The following UNC13C variants were observed in gnomAD, a reference collection of about 807,000 sequenced individuals.
The protein encoded by UNC13C is protein unc-13 homolog C.
A neutral mutation model predicts 245.4 loss-of-function variants in UNC13C; 174 were observed. That is an observed-to-expected ratio of 0.71 (90% CI 0.63 to 0.80). The LOEUF (loss-of-function observed/expected upper bound fraction) is 0.80, where lower values mean the gene tolerates loss of function less well. Ranked by LOEUF, UNC13C falls within the 30% of genes least tolerant of loss-of-function variation. UNC13C has a pLI of 0.00. For missense variants in UNC13C, 2,829 were observed against 2,602.9 expected (o/e 1.09, Z -1.89); for synonymous variants, 992 against 895.1 (o/e 1.11, Z -1.93).
At chr15:54,392,457 C>G (rs1395281523) in intron 17 of UNC13C, among the ~76,000 whole-genome samples, 3 of 151,730 alleles carry the variant, frequency 2.0e-5, no homozygotes, top group Non-Finnish European at 4.4e-5. Flanking sequence ...TTTTAGTTAC[C>G]TAGATAAATT....
intron 22 of UNC13C, among the ~76,000 whole-genome samples, chr15:54,505,683 A>G (rs1894439715): frequency 6.6e-6 from 1 of 151,448 alleles, no homozygotes; most frequent in African/African-American, 2.4e-5. Flanking sequence ...ATTAGTAAAG[A>G]TGGGAGTTAT....
intron 26 of UNC13C, among the ~76,000 whole-genome samples, 161 bp downstream of exon 26, chr15:54,533,227 C>T (rs1463343904): frequency 6.6e-6 from 1 of 152,008 alleles, no homozygotes; most frequent in African/African-American, 2.4e-5. Flanking sequence ...TAAAAAGCAA[C>T]ATACCTTTAA....
chr15:54,396,561 A>G (rs528878331), intron 18 of UNC13C, among the ~76,000 whole-genome samples: 6 of 151,680 alleles, frequency 4.0e-5, no homozygotes, highest in African/African-American at 1.4e-4. Flanking sequence ...TTAGGTTGCT[A>G]TGAATATTTG....
intron 10 of UNC13C, among the ~76,000 whole-genome samples, chr15:54,271,099 A>T (rs970920363): frequency 6.6e-6 from 1 of 152,152 alleles, no homozygotes; most frequent in African/African-American, 2.4e-5. Flanking sequence ...AAAGAGTTTG[A>T]ATTTATAATC....
At chr15:54,412,288 G>A (rs2040432153) in intron 18 of UNC13C, among the ~76,000 whole-genome samples, 1 of 152,136 alleles carries the variant, frequency 6.6e-6, no homozygotes, top group Non-Finnish European at 1.5e-5. Context: ...CACATGGTGA[G>A]GGAGGCCTCA....
intron 4 of UNC13C, among the ~76,000 whole-genome samples, chr15:54,226,652 A>C (rs1362083918): frequency 1.3e-5 from 2 of 152,188 alleles, no homozygotes; most frequent in Non-Finnish European, 2.9e-5. Context: ...GGTGTGTTGG[A>C]GAGCAAGCCT....
intron 4 of UNC13C, among the ~76,000 whole-genome samples, chr15:54,159,411 G>A (rs2032883459): frequency 6.6e-6 from 1 of 152,232 alleles, no homozygotes; most frequent in Non-Finnish European, 1.5e-5. Context: ...TTTATTAAGT[G>A]TGCACCAAGT....
chr15:54,289,844 A>G (rs1033001391), intron 10 of UNC13C, among the ~76,000 whole-genome samples: 1 of 151,996 alleles, frequency 6.6e-6, no homozygotes, highest in African/African-American at 2.4e-5. Context: ...GGCACTGTAC[A>G]CTGTACCACT....
At chr15:54,210,706 G>T (rs1393223718) in intron 4 of UNC13C, among the ~76,000 whole-genome samples, 2 of 152,092 alleles carry the variant, frequency 1.3e-5, no homozygotes, top group Non-Finnish European at 2.9e-5. Context: ...TGCCACAGTT[G>T]CATGGATGCT....
At chr15:54,357,981 A>G (rs962187178) in intron 17 of UNC13C, among the ~76,000 whole-genome samples, 3 of 152,128 alleles carry the variant, frequency 2.0e-5, no homozygotes, top group Non-Finnish European at 4.4e-5. Context: ...GTGCACAAAG[A>G]TATCTATTAA....
chr15:54,402,949 T>C (rs571971412), intron 18 of UNC13C, among the ~76,000 whole-genome samples: 139 of 152,302 alleles, frequency 9.1e-4, no homozygotes, highest in African/African-American at 3.2e-3. Context: ...TGAGACCATA[T>C]CAGGATTTGT....
At chr15:54,075,948 A>G (rs1213730029) in intron 2 of UNC13C, among the ~76,000 whole-genome samples, 1 of 152,074 alleles carries the variant, frequency 6.6e-6, no homozygotes, top group Non-Finnish European at 1.5e-5. Flanking sequence ...TTCATTTTAC[A>G]GATGAGGTTA....
chr15:54,542,517 A>G (rs193068649), intron 26 of UNC13C, among the ~76,000 whole-genome samples: 46 of 152,228 alleles, frequency 3.0e-4, no homozygotes, highest in Non-Finnish European at 5.4e-4. Flanking sequence ...TATTAGGTCC[A>G]CTTGGTCCAG....
chr15:54,063,694 G>A (rs1369548746), intron 2 of UNC13C, among the ~76,000 whole-genome samples: 2 of 152,104 alleles, frequency 1.3e-5, no homozygotes, highest in Non-Finnish European at 2.9e-5. Flanking sequence ...AGAATCACTT[G>A]ACCTTTTAAA....
rs552599118 is a variant in UNC13C at position 54,390,919 on chromosome 15, A to G, written c.4714-2129A>G. ...CTGGTTTATGATAGTATTGTGTGCTATATAAAAACTTAATGATTCAACATC... is the reference window on the plus strand; with the variant it reads ...CTGGTTTATGATAGTATTGTGTGCTGTATAAAAACTTAATGATTCAACATC... On this transcript the variant is annotated intron_variant, in intron 17 of 32. Transcript: ENST00000260323. Among the ~76,000 whole-genome samples, 11 of 152,176 alleles carry G rather than the reference A, an allele frequency of 7.2e-5. No homozygotes were observed. In the East Asian group the frequency reaches 1.9e-3, roughly 27 times the overall value.
At chr15:53,910,319 G>C in the UNC13C span, among the ~76,000 whole-genome samples, 1 of 145,704 alleles carries the variant, frequency 6.9e-6, no homozygotes, top group Non-Finnish European at 1.5e-5. Flanking sequence ...GATGTGATTT[G>C]GTCAAGGAAT....
At chr15:53,862,088 A>C in the UNC13C span, among the ~76,000 whole-genome samples, 33 of 152,182 alleles carry the variant, frequency 2.2e-4, no homozygotes, top group African/African-American at 7.9e-4. Flanking sequence ...ACAGTTTTGG[A>C]GGCTAGAAGT....
At chr15:54,228,287 G>C (rs2035452476) in intron 4 of UNC13C, among the ~76,000 whole-genome samples, 2 of 152,080 alleles carry the variant, frequency 1.3e-5, no homozygotes, top group South Asian at 4.1e-4. Context: ...GTCCAGAAAT[G>C]CTGTCCAAAA....
At chr15:54,511,230 C>T (rs1454740889) in intron 23 of UNC13C, among the ~76,000 whole-genome samples, 1 of 151,964 alleles carries the variant, frequency 6.6e-6, no homozygotes, top group African/African-American at 2.4e-5. Flanking sequence ...GTCAAATAAG[C>T]AAGTAGGAAA....
Sources: allele counts gnomAD v4.1 joint callset (sites outside exome capture counted in the v4.1 genomes callset), GRCh38; gene constraint gnomAD v4.1.1; transcripts MANE v1.5; gene names NCBI Gene and HGNC (gene_info 2026-07-23, HGNC 2026-07-21).